SPECC1L: variants seen among roughly 807,000 people sequenced by gnomAD.
SPECC1L encodes cytospin-A.
A neutral mutation model predicts 116.8 loss-of-function variants in SPECC1L; 40 were observed. That is an observed-to-expected ratio of 0.34 (90% CI 0.27 to 0.45). The LOEUF is 0.45. SPECC1L is among the 20% of genes least tolerant of loss of function. SPECC1L has a pLI of 1.00. For missense variants in SPECC1L, 1,110 were observed against 1,373.6 expected, an observed-to-expected ratio of 0.81 and a Z score of 3.03; for synonymous variants, 504 against 500.6, an observed-to-expected ratio of 1.01 and a Z score of -0.09.
At chr22:24,368,551 C>T (rs993942690) in intron 13 of SPECC1L, among the ~76,000 whole-genome samples, 4 of 152,196 alleles carry the variant, frequency 2.6e-5, no homozygotes, top group African/African-American at 9.7e-5. Context: ...ACTATTATGC[C>T]TTAGAATCCT....
chr22:24,302,785 A>G (rs555994237), intron 3 of SPECC1L, among the ~76,000 whole-genome samples: 14 of 152,186 alleles, frequency 9.2e-5, no homozygotes, highest in Middle Eastern at 3.4e-3. Context: ...AGGTAAGTAA[A>G]TATTGTTTCA....
At chr22:24,314,231 A>G (rs939064802) in intron 4 of SPECC1L, among the ~76,000 whole-genome samples, 2 of 151,576 alleles carry the variant, frequency 1.3e-5, no homozygotes, top group Non-Finnish European at 2.9e-5. Flanking sequence ...TTGTATTTTT[A>G]GTAGAGACAG....
At chr22:24,392,719 C>T (rs2042295450) in intron 14 of SPECC1L, among the ~76,000 whole-genome samples, 1 of 152,216 alleles carries the variant, frequency 6.6e-6, no homozygotes, top group Non-Finnish European at 1.5e-5. Context: ...ATAAACACCA[C>T]CCAAAACTTA....
intron 4 of SPECC1L, among the ~76,000 whole-genome samples, chr22:24,318,836 G>A (rs1269362651): frequency 1.3e-5 from 2 of 151,960 alleles, no homozygotes; most frequent in African/African-American, 4.8e-5. Flanking sequence ...GGCTGAGGTG[G>A]GAGGATCACC....
intron 2 of SPECC1L, among the ~76,000 whole-genome samples, chr22:24,289,117 G>A (rs1191663575): frequency 6.6e-6 from 1 of 152,206 alleles, no homozygotes; most frequent in Non-Finnish European, 1.5e-5. Flanking sequence ...TAAACTGCCT[G>A]CCAAGAGTCT....
At position 24,287,680 on chromosome 22, in the gene SPECC1L, CT is replaced by C. The variant is rs952945699; in HGVS notation, c.-38+10878del. ...GTGGATGTGGCTGTTGGAGGTGCCC[CT>C]ATTCAGACTCCTGCTCTACCATTTG... On this transcript the variant is annotated intron_variant, in intron 2 of 16. Coordinates refer to ENST00000314328, the MANE Select transcript of SPECC1L (RefSeq NM_015330.6). Among the ~76,000 whole-genome samples the C allele has an allele frequency of 3.7e-4, 56 of 152,172 alleles. 1 individual carries two copies. Among genetic ancestry groups the C allele is most frequent in the African/African-American group, 3.6e-4 (15 of 41,446 alleles).
At chr22:24,368,587 T>A (rs1324678140) in intron 13 of SPECC1L, among the ~76,000 whole-genome samples, 1 of 152,224 alleles carries the variant, frequency 6.6e-6, no homozygotes, top group East Asian at 1.9e-4. Flanking sequence ...TTACCCTGTA[T>A]ATTTTACAAT....
At chr22:24,389,537 A>T in intron 14 of SPECC1L, among the ~76,000 whole-genome samples, 1 of 149,920 alleles carries the variant, frequency 6.7e-6, no homozygotes. Context: ...TTTTTTAGGG[A>T]AAGGATCTAT....
At chr22:24,370,168 G>A (rs1204967858) in intron 14 of SPECC1L, among the ~76,000 whole-genome samples, 3 of 152,210 alleles carry the variant, frequency 2.0e-5, no homozygotes, top group African/African-American at 4.8e-5. Flanking sequence ...ATTAGTAGAG[G>A]AAAAGAAGAT....
Position 24,321,316 on chromosome 22 carries a change from T to G in SPECC1L, c.336T>G (p.Thr112=). The change falls in exon 5 of 17, where the codon ACT becomes ACG. Residue 112 remains threonine, a synonymous_variant. Coordinates refer to ENST00000314328, the MANE Select transcript of SPECC1L (RefSeq NM_015330.6). ...CAGCTTCTTCAACCAAGCGGAGCACTTCTACAGGTAATAAAGAATCCAGTT... is the reference window on the plus strand; with the variant it reads ...CAGCTTCTTCAACCAAGCGGAGCACGTCTACAGGTAATAAAGAATCCAGTT... ...TGTASSTKRS[T]STGNKESSST... The G allele has an allele frequency of 6.2e-7, 1 of 1,614,204 alleles. No individual in the cohort carries two copies. Among genetic ancestry groups the G allele is most frequent in the Non-Finnish European group, 8.5e-7 (1 of 1,180,036 alleles).
chr22:24,280,721 G>A (rs1348428650), intron 2 of SPECC1L, among the ~76,000 whole-genome samples: 1 of 151,930 alleles, frequency 6.6e-6, no homozygotes, highest in Non-Finnish European at 1.5e-5. Context: ...GGGACTATAG[G>A]CATTTGCCAC....
At chr22:24,295,469 T>C (rs1191296657) in intron 2 of SPECC1L, among the ~76,000 whole-genome samples, 1 of 150,616 alleles carries the variant, frequency 6.6e-6, no homozygotes, top group Non-Finnish European at 1.5e-5. Context: ...GTGAGCATAG[T>C]TTTTCAACTC....
At chr22:24,394,529 G>C (rs1569446931) in intron 14 of SPECC1L, among the ~76,000 whole-genome samples, 1 of 152,208 alleles carries the variant, frequency 6.6e-6, no homozygotes, top group Non-Finnish European at 1.5e-5. Context: ...TCAGTCCATT[G>C]CATATGCATA....
intron 2 of SPECC1L, among the ~76,000 whole-genome samples, chr22:24,280,192 G>T (rs1329793431): frequency 6.6e-6 from 1 of 152,152 alleles, no homozygotes; most frequent in Non-Finnish European, 1.5e-5. Context: ...GCCTCCCCTT[G>T]TACATGTAGG....
intron 2 of SPECC1L, among the ~76,000 whole-genome samples, chr22:24,281,014 A>G (rs1038256049): frequency 6.6e-6 from 1 of 152,210 alleles, no homozygotes; most frequent in Non-Finnish European, 1.5e-5. Context: ...CCCCTGTTAC[A>G]GAGGAACAGG....
At chr22:24,351,201 A>G (rs1489414094) in intron 11 of SPECC1L, among the ~76,000 whole-genome samples, 3 of 152,220 alleles carry the variant, frequency 2.0e-5, no homozygotes, top group Admixed American at 1.3e-4. Flanking sequence ...TTGTTAAAAT[A>G]TAGAATGTTG....
intron 3 of SPECC1L, 79 bp from the exon 4 acceptor site, chr22:24,313,234 G>C: frequency 6.7e-7 from 1 of 1,490,998 alleles, no homozygotes; most frequent in Non-Finnish European, 9.3e-7. Flanking sequence ...TAGTATAAAA[G>C]TCATGAGCTT....
Position 24,417,191 on chromosome 22 carries a change from C to T in SPECC1L, c.*2568C>T, listed in dbSNP as rs2042815745. 6.6e-6 allele frequency: 1 copy of T among 152,606 alleles called. No homozygotes were observed. Among genetic ancestry groups the T allele is most frequent in the African/African-American group, 2.4e-5 (1 of 41,460 alleles). The allele number at this position is 152,606 out of a possible 1,614,324, so 9.5% of individuals were successfully genotyped here. A position where few individuals can be genotyped will look rare whatever the true frequency, so the allele number is the denominator to read the frequency against. ...TCGATCCCAGGCTTCTGCGGACCGA[C>T]GATACGTTTAAATGTTGTTCTAGTA... On this transcript the variant is annotated 3_prime_UTR_variant, in exon 17 of 17. Transcript: ENST00000314328.
chr22:24,348,508 A>C (rs2146568870), intron 11 of SPECC1L, among the ~76,000 whole-genome samples: 1 of 152,164 alleles, frequency 6.6e-6, no homozygotes, highest in East Asian at 1.9e-4. Flanking sequence ...CCTCCCTGGC[A>C]CAAAGATTTG....
Sources: allele counts gnomAD v4.1 joint callset (sites outside exome capture counted in the v4.1 genomes callset), GRCh38; gene constraint gnomAD v4.1.1; transcripts MANE v1.5; gene names NCBI Gene and HGNC (gene_info 2026-07-23, HGNC 2026-07-21).